BMP2K: variants seen among roughly 807,000 people sequenced by gnomAD.
The protein encoded by BMP2K is BMP-2-inducible protein kinase.
BMP2K carries 74 observed loss-of-function variants against 116.0 expected under a neutral mutation model. That is an observed-to-expected ratio of 0.64 (90% CI 0.53 to 0.77). The LOEUF (loss-of-function observed/expected upper bound fraction) is 0.77. BMP2K is among the 30% of genes least tolerant of loss of function. The pLI, the probability that BMP2K is intolerant of heterozygous loss-of-function variation, is 0.00. For synonymous variants in BMP2K, 486 were observed against 502.5 expected, an observed-to-expected ratio of 0.97 and a Z score of 0.44; for missense variants, 1,365 against 1,403.6, an observed-to-expected ratio of 0.97 and a Z score of 0.44.
At chr4:78,786,310 C>T (rs1458075991) in intron 1 of BMP2K, among the ~76,000 whole-genome samples, 2 of 152,086 alleles carry the variant, frequency 1.3e-5, no homozygotes, top group Non-Finnish European at 2.9e-5. Context: ...TGTGAGGAAA[C>T]AAGCCCTCTC....
rs775196460 is a variant in BMP2K at position 78,829,753 on chromosome 4, A to ATCTTTTCTTTTCTTT, written c.297+3622_297+3636dup. Among the ~76,000 whole-genome samples, 65 of 122,072 alleles carry ATCTTTTCTTTTCTTT rather than the reference A, an allele frequency of 5.3e-4. No individual in the cohort carries two copies. The East Asian group carries it at 6.2e-3, about 12-fold the overall frequency. The allele number at this position is 122,072 out of a possible 152,430, so 80.1% of individuals were successfully genotyped here. On this transcript the variant is annotated intron_variant, in intron 2 of 15. Transcript: ENST00000502613. ...TGTTGTGTTAGCAGGCATGGAAACA[A>ATCTTTTCTTTTCTTT]TCTTTTCTTTTCTTTTCTTTTCTTT...
At chr4:78,866,980 G>A (rs1732083866) in intron 10 of BMP2K, among the ~76,000 whole-genome samples, 1 of 152,070 alleles carries the variant, frequency 6.6e-6, no homozygotes, top group African/African-American at 2.4e-5. Context: ...GGGGGGCCAA[G>A]GCAGGTCGAA....
chr4:78,793,628 G>A (rs1400147373), intron 1 of BMP2K, among the ~76,000 whole-genome samples: 1 of 152,036 alleles, frequency 6.6e-6, no homozygotes, highest in Non-Finnish European at 1.5e-5. Context: ...ACAATGTATA[G>A]TGTAATAAAA....
intron 1 of BMP2K, among the ~76,000 whole-genome samples, chr4:78,817,410 G>A (rs1729403269): frequency 6.6e-6 from 1 of 152,174 alleles, no homozygotes; most frequent in Non-Finnish European, 1.5e-5. Flanking sequence ...TTGATAATTT[G>A]CTACAGTGAC....
intron 1 of BMP2K, among the ~76,000 whole-genome samples, chr4:78,824,527 C>T (rs1729780024): frequency 6.6e-6 from 1 of 152,182 alleles, no homozygotes; most frequent in African/African-American, 2.4e-5. Context: ...GAATCTGCCC[C>T]CATGTTTCAA....
chr4:78,875,806 T>G (rs1732605724), intron 13 of BMP2K, among the ~76,000 whole-genome samples: 1 of 152,168 alleles, frequency 6.6e-6, no homozygotes, highest in Non-Finnish European at 1.5e-5. Flanking sequence ...ACTGCTTGAG[T>G]TTTCTCTTTG....
Position 78,915,485 on chromosome 4 carries a change from G to A in BMP2K, c.*3452G>A, listed in dbSNP as rs186779174. ...TTTTTCTCATTTTTTTTTCTTTTTA[G>A]CAAACTTGTTATTTTAGGTCCAATT... On this transcript the variant is annotated 3_prime_UTR_variant, in exon 16 of 16. Transcript: ENST00000502613. The A allele has an allele frequency of 6.6e-6, 1 of 151,268 alleles. No individual in the cohort carries two copies. Among genetic ancestry groups the A allele is most frequent in the Non-Finnish European group, 1.5e-5 (1 of 67,764 alleles). The allele number at this position is 151,268 out of a possible 1,614,324, so 9.4% of individuals were successfully genotyped here. A position where few individuals can be genotyped will look rare whatever the true frequency, so the allele number is the denominator to read the frequency against.
chr4:78,791,071 G>T (rs72659095), intron 1 of BMP2K, among the ~76,000 whole-genome samples: 8,475 of 151,768 alleles, frequency 0.056, 308 homozygotes, highest in Non-Finnish European at 0.082. Context: ...ACCTGTTGAG[G>T]TATACCAGTT....
At chr4:78,804,019 A>C (rs1193174217) in intron 1 of BMP2K, among the ~76,000 whole-genome samples, 2 of 152,214 alleles carry the variant, frequency 1.3e-5, no homozygotes, top group East Asian at 3.8e-4. Context: ...AAACTTAGTG[A>C]TTTTAGTGTA....
At chr4:78,872,200 C>A in intron 12 of BMP2K, 1 of 349,954 alleles carries the variant, frequency 2.9e-6, no homozygotes, top group South Asian at 6.7e-5. Flanking sequence ...TGATGTCTTA[C>A]CTATAGTCTT....
intron 12 of BMP2K, chr4:78,872,349 G>A (rs1732408811): frequency 7.6e-6 from 1 of 132,380 alleles, no homozygotes; most frequent in Non-Finnish European, 1.4e-5. Context: ...CACTATATTA[G>A]TGACTTTAAG....
intron 14 of BMP2K, among the ~76,000 whole-genome samples, chr4:78,880,197 C>T (rs1486889246): frequency 3.9e-5 from 6 of 152,106 alleles, no homozygotes; most frequent in African/African-American, 1.2e-4. Flanking sequence ...CTCAGCCTCC[C>T]GAGTAGCTGG....
intron 1 of BMP2K, among the ~76,000 whole-genome samples, chr4:78,810,587 C>CAGGT (rs1729041917): frequency 6.6e-6 from 1 of 152,136 alleles, no homozygotes; most frequent in Admixed American, 6.5e-5. Context: ...GGAGCTTTTC[C>CAGGT]AGGTAGCTGA....
intron 1 of BMP2K, among the ~76,000 whole-genome samples, chr4:78,799,461 T>G (rs1417394444): frequency 1.3e-5 from 2 of 152,204 alleles, no homozygotes; most frequent in Non-Finnish European, 2.9e-5. Context: ...TTTTTCATAG[T>G]GGTTATAGGT....
At chr4:78,879,491 A>G (rs761562260) in intron 14 of BMP2K, 11 of 889,408 alleles carry the variant, frequency 1.2e-5, no homozygotes, top group African/African-American at 1.8e-5. Context: ...ACTACCTAAT[A>G]TATGTCAAGC....
At chr4:78,883,462 A>T (rs1732950625) in intron 14 of BMP2K, among the ~76,000 whole-genome samples, 1 of 152,210 alleles carries the variant, frequency 6.6e-6, no homozygotes, top group African/African-American at 2.4e-5. Context: ...TTTGTGGAAC[A>T]ATAACATTAT....
intron 7 of BMP2K, 29 bp downstream of exon 7, chr4:78,851,085 A>G (rs1183051166): frequency 4.4e-6 from 7 of 1,586,190 alleles, no homozygotes; most frequent in South Asian, 1.1e-5. Context: ...GTATGAAAAT[A>G]TTGTAGGATA....
At chr4:78,776,869 C>G in intron 1 of BMP2K, 148 bp downstream of exon 1, 1 of 785,272 alleles carries the variant, frequency 1.3e-6, no homozygotes, top group African/African-American at 1.8e-5. Context: ...AAGAGTGGCT[C>G]GGGCTTTCTC....
At chr4:78,900,451 A>G (rs1733939905) in intron 15 of BMP2K, among the ~76,000 whole-genome samples, 1 of 152,220 alleles carries the variant, frequency 6.6e-6, no homozygotes, top group Non-Finnish European at 1.5e-5. Flanking sequence ...AATAAACAGT[A>G]TTCTGGAGAG....
Sources: allele counts gnomAD v4.1 joint callset (sites outside exome capture counted in the v4.1 genomes callset), GRCh38; gene constraint gnomAD v4.1.1; transcripts MANE v1.5; gene names NCBI Gene and HGNC (gene_info 2026-07-23, HGNC 2026-07-21).